The following KCNAB1 variants were observed in gnomAD, a reference collection of about 807,000 sequenced individuals.
The protein encoded by KCNAB1 is voltage-gated potassium channel subunit beta-1.
Under a neutral mutation model 64.6 loss-of-function variants are expected in KCNAB1, and 35 were observed. The observed-to-expected ratio is 0.54, with a 90% CI of 0.41 to 0.72. KCNAB1 has a LOEUF of 0.72. Among genes scored for constraint, KCNAB1 ranks in the 30% least tolerant of loss-of-function variants. The pLI, the probability that KCNAB1 is intolerant of heterozygous loss-of-function variation, is 0.00. For missense variants in KCNAB1, 401 were observed against 512.9 expected (o/e 0.78, Z 2.11); for synonymous variants, 177 against 183.8 (o/e 0.96, Z 0.30).
At chr3:156,515,483 A>C (rs77427127) in intron 10 of KCNAB1, among the ~76,000 whole-genome samples, 2 of 34,522 alleles carry the variant, frequency 5.8e-5, no homozygotes, top group South Asian at 1.3e-3. Flanking sequence ...CAGGTGTTCA[A>C]AAAAAAAATG....
chr3:156,471,501 C>A (rs1438152434), intron 7 of KCNAB1, among the ~76,000 whole-genome samples: 1 of 152,188 alleles, frequency 6.6e-6, no homozygotes, highest in African/African-American at 2.4e-5. Flanking sequence ...TTCCTCTTTC[C>A]ACAGACGCTG....
At chr3:156,137,991 C>T (rs1714466968) in intron 1 of KCNAB1, among the ~76,000 whole-genome samples, 1 of 152,200 alleles carries the variant, frequency 6.6e-6, no homozygotes, top group South Asian at 2.1e-4. Context: ...TTGCCTCTAT[C>T]TTTGCTCATA....
chr3:156,224,301 C>T (rs1216559411), intron 1 of KCNAB1, among the ~76,000 whole-genome samples: 1 of 152,232 alleles, frequency 6.6e-6, no homozygotes, highest in African/African-American at 2.4e-5. Flanking sequence ...TCCACCCGTG[C>T]CTCTCCCACC....
intron 3 of KCNAB1, among the ~76,000 whole-genome samples, chr3:156,455,198 A>G (rs936658292): frequency 2.6e-5 from 4 of 152,168 alleles, no homozygotes; most frequent in Non-Finnish European, 4.4e-5. Flanking sequence ...GAGTTCACCT[A>G]CCTCGATTTT....
At position 156,508,060 on chromosome 3, in the gene KCNAB1, C is replaced by A. The variant is rs1165733750; in HGVS notation, c.659-6304C>A. Among the ~76,000 whole-genome samples the A allele has an allele frequency of 6.6e-6, 1 of 151,950 alleles. No individual in the cohort carries two copies. The highest frequency in any genetic ancestry group is 2.4e-5 in the African/African-American group (1 of 41,378). On this transcript the variant is annotated intron_variant, in intron 8 of 13. Coordinates refer to ENST00000490337, the MANE Select transcript of KCNAB1 (RefSeq NM_172160.3). This position sits in a 1 kb window ranked among gnomAD's most constrained non-coding sequence, Gnocchi z 4.1. The stretch of plus-strand genomic sequence containing the variant: ...TTGCATGTAATTCCACTAAATAATA[C>A]AATTATTTTGCATGTTTTTTCTCAG...
chr3:156,348,875 G>C (rs1334750652), intron 1 of KCNAB1, among the ~76,000 whole-genome samples: 1 of 152,148 alleles, frequency 6.6e-6, no homozygotes, highest in Non-Finnish European at 1.5e-5. Context: ...AGTATTTAGG[G>C]AGAATCCTCT....
At chr3:156,329,759 T>C (rs765190864) in intron 1 of KCNAB1, among the ~76,000 whole-genome samples, 2 of 152,138 alleles carry the variant, frequency 1.3e-5, no homozygotes, top group Non-Finnish European at 2.9e-5. Context: ...CAATAGAAGA[T>C]GGTAGAAAGA....
intron 2 of KCNAB1, among the ~76,000 whole-genome samples, chr3:156,434,557 A>AT (rs1285555687): frequency 6.6e-6 from 1 of 152,232 alleles, no homozygotes; most frequent in Non-Finnish European, 1.5e-5. Context: ...AGGTGTCATC[A>AT]TAGTAAACTA....
chr3:156,270,325 T>C (rs1718959323), intron 1 of KCNAB1, among the ~76,000 whole-genome samples: 1 of 152,186 alleles, frequency 6.6e-6, no homozygotes, highest in Admixed American at 6.5e-5. Context: ...GCCATTTTGC[T>C]ATTTTTTTTT....
At chr3:156,320,580 A>G (rs773373067) in intron 1 of KCNAB1, among the ~76,000 whole-genome samples, 1 of 152,136 alleles carries the variant, frequency 6.6e-6, no homozygotes, top group Non-Finnish European at 1.5e-5. Context: ...AAAATCTAGA[A>G]AGTGGGAGGC....
At chr3:156,339,894 C>T (rs191232186) in intron 1 of KCNAB1, among the ~76,000 whole-genome samples, 1 of 152,208 alleles carries the variant, frequency 6.6e-6, no homozygotes, top group Non-Finnish European at 1.5e-5. Flanking sequence ...TGATCCAGTT[C>T]ATTCCTTGTC....
chr3:156,411,112 T>C (rs567042438), intron 1 of KCNAB1, among the ~76,000 whole-genome samples: 1 of 152,320 alleles, frequency 6.6e-6, no homozygotes, highest in African/African-American at 2.4e-5. Flanking sequence ...GTACTTAGTA[T>C]GTTTGTTTGT....
intron 1 of KCNAB1, among the ~76,000 whole-genome samples, chr3:156,310,434 C>G (rs1576707748): frequency 6.6e-6 from 1 of 151,896 alleles, no homozygotes; most frequent in Non-Finnish European, 1.5e-5. Flanking sequence ...ACACTGAGCC[C>G]AAAGAGATGA....
At chr3:156,416,875 T>C (rs559402952) in intron 1 of KCNAB1, among the ~76,000 whole-genome samples, 13 of 152,360 alleles carry the variant, frequency 8.5e-5, no homozygotes, top group South Asian at 6.2e-4. Context: ...GAATTTGCAA[T>C]TGACAAATGA....
chr3:156,429,312 G>A (rs1431975715), intron 2 of KCNAB1, among the ~76,000 whole-genome samples: 1 of 152,176 alleles, frequency 6.6e-6, no homozygotes, highest in Non-Finnish European at 1.5e-5. Context: ...GCAGATCTAG[G>A]CCTGGGAGCT....
intron 1 of KCNAB1, among the ~76,000 whole-genome samples, chr3:156,381,575 T>C (rs1053103691): frequency 2.6e-4 from 39 of 152,314 alleles, no homozygotes; most frequent in Non-Finnish European, 5.1e-4. Flanking sequence ...TTTAATAGGC[T>C]CTTCAGGGAA....
rs187282409 is a variant in KCNAB1, at chr3:156,457,609, G to A, written c.437+77G>A. 2.6e-4 allele frequency: 343 copies of A among 1,303,332 alleles called. 4 individuals are homozygous for A. In the East Asian group the frequency reaches 7.4e-3, roughly 28 times the overall value. The allele number at this position is 1,303,332 out of a possible 1,614,324, so 80.7% of individuals were successfully genotyped here. The stretch of plus-strand genomic sequence containing the variant: ...AATCAGCCCAGACCATTTCCAGCAT[G>A]TTGGTGAAAAGGTTCTGTCCTTTCT... On this transcript the variant is annotated intron_variant, in intron 4 of 13. Transcript: ENST00000490337.
chr3:156,298,255 G>A (rs1720925997), intron 1 of KCNAB1, among the ~76,000 whole-genome samples: 1 of 152,112 alleles, frequency 6.6e-6, no homozygotes, highest in Admixed American at 6.5e-5. Context: ...CTGGAAGTGT[G>A]TGTGGGGGCT....
intron 1 of KCNAB1, among the ~76,000 whole-genome samples, chr3:156,366,129 T>A (rs1725929637): frequency 6.6e-6 from 1 of 152,214 alleles, no homozygotes; most frequent in Non-Finnish European, 1.5e-5. Context: ...GCAATATGAA[T>A]GCAATCTGGC....
Sources: gnomAD v4.1 joint callset for allele counts (sites outside exome capture counted in the v4.1 genomes callset) on GRCh38, gnomAD v4.1.1 for gene constraint, Gnocchi (gnomAD v3.1) non-coding constraint, MANE v1.5 for transcripts, NCBI Gene and HGNC (gene_info 2026-07-23, HGNC 2026-07-21) for gene names.